GNL3: variants seen among roughly 807,000 people sequenced by gnomAD.
The protein encoded by GNL3 is G protein nucleolar 3.
In GNL3, 77 loss-of-function variants were observed where a neutral mutation model predicts 70.6. The observed-to-expected ratio is 1.09, with a 90% CI of 0.91 to 1.32. GNL3 has a LOEUF of 1.32. Among genes scored for constraint, GNL3 ranks in the 40% most tolerant of loss-of-function variants. The probability of loss-of-function intolerance (pLI) is 0.00; values close to 1 mark genes in which losing one functional copy is unlikely to be tolerated. For missense variants in GNL3, 634 were observed against 644.0 expected, an observed-to-expected ratio of 0.98 and a Z score of 0.17; for synonymous variants, 252 against 216.1, an observed-to-expected ratio of 1.17 and a Z score of -1.46.
chr3:52,686,247 G>C (rs539566051), intron 1 of GNL3, 142 bp downstream of exon 1: 14 of 838,002 alleles, frequency 1.7e-5, no homozygotes, highest in Non-Finnish European at 2.7e-5. Context: ...CCTATTTCCT[G>C]GTAGAACCGA....
At chr3:52,686,418 T>C in intron 1 of GNL3, 1 of 574,932 alleles carries the variant, frequency 1.7e-6, no homozygotes, top group Non-Finnish European at 3.1e-6. Context: ...ACGTGCAGAC[T>C]GGCCCAGGTG....
At chr3:52,689,398 A>G in intron 6 of GNL3, 192 bp downstream of exon 6, 1 of 701,320 alleles carries the variant, frequency 1.4e-6, no homozygotes, top group Non-Finnish European at 2.6e-6. Context: ...GGTTTCTACT[A>G]TTCTTTTGCC....
chr3:52,692,966 C>T lies in GNL3; in HGVS notation c.964C>T (p.Leu322=). The T allele has an allele frequency of 1.2e-6, 2 of 1,613,702 alleles. No individual in the cohort carries two copies. Among genetic ancestry groups the T allele is most frequent in the Non-Finnish European group, 1.7e-6 (2 of 1,179,564 alleles). ...SPLNSSSALA[L]RSPASIEVVK... ...ACTTAATTCCTCCTCTGCGCTTGCT[C>T]TGCGAAGTCCAGCAAGTATTGAAGT... The change falls in exon 10 of 15, where the codon CTG becomes TTG. Residue 322 remains leucine (L), a synonymous_variant. Transcript: ENST00000418458.
Position 52,693,524 on chromosome 3 carries a change from A to G in GNL3, c.1304A>G (p.Asn435Ser), listed in dbSNP as rs1164106297. 6.2e-7 allele frequency: 1 copy of G among 1,614,216 alleles called. No homozygotes were observed. Among genetic ancestry groups the G allele is most frequent in the Non-Finnish European group, 8.5e-7 (1 of 1,180,040 alleles). The change falls in exon 12 of 15, where the codon AAC becomes AGC. Residue 435 changes from asparagine to serine, a missense_variant. Asn to Ser is a conservative substitution (Grantham distance 46, BLOSUM62 1). Coordinates refer to ENST00000418458, the MANE Select transcript of GNL3 (RefSeq NM_014366.5). ...SGFNLEELEK[N>S]NAQSIRAIKG... The stretch of plus-strand genomic sequence containing the variant: ...TTCAATCTGGAAGAACTGGAAAAGA[A>G]CAATGCACAGAGCATAAGAGGTGAG...
intron 13 of GNL3, 112 bp from the exon 14 acceptor site, chr3:52,693,925 C>A: frequency 7.8e-7 from 1 of 1,284,664 alleles, no homozygotes; most frequent in Non-Finnish European, 1.1e-6. Flanking sequence ...CTTAATTTTG[C>A]ACATCCCGTT....
At chr3:52,690,844 TGTA>T (rs2097326544) in intron 7 of GNL3, 98 bp from the exon 8 acceptor site, 1 of 1,244,918 alleles carries the variant, frequency 8.0e-7, no homozygotes, top group East Asian at 2.3e-5. Context: ...TGAAAGGCAA[TGTA>T]GTTATCTTAA....
chr3:52,688,016 C>T (rs956553478), intron 4 of GNL3, 93 bp from the exon 5 acceptor site: 6 of 764,374 alleles, frequency 7.8e-6, no homozygotes, highest in African/African-American at 6.9e-5. Context: ...TATTTAACAA[C>T]TGCAAGGGCT....
rs903502136 is a variant in GNL3 at position 52,691,056 on chromosome 3, C to A, written c.766C>A (p.Arg256=). Reference sequence around the variant, plus strand: ...TCAGGAAACTTGCAGCAAAGCCATTCGGGTTGGAGTAATTGGTGAGTTTCA... The same window carrying A: ...TCAGGAAACTTGCAGCAAAGCCATTAGGGTTGGAGTAATTGGTGAGTTTCA... The part of the protein sequence containing the change: ...GFQETCSKAI[R]VGVIGFPNVG... Residue 256 remains arginine, a synonymous_variant, in exon 8 of 15, where the codon CGG becomes AGG. Coordinates refer to ENST00000418458, the MANE Select transcript of GNL3 (RefSeq NM_014366.5). The A allele has an allele frequency of 1.9e-6, 3 of 1,613,786 alleles. No homozygotes were observed. Among genetic ancestry groups the A allele is most frequent in the Non-Finnish European group, 2.5e-6 (3 of 1,179,732 alleles).
In GNL3 at chr3:52,689,165, A is replaced by G. The variant is rs772917887; in HGVS notation, c.500A>G (p.Gln167Arg). 11 of 1,613,478 alleles carry G rather than the reference A, an allele frequency of 6.8e-6. No homozygotes were observed. The South Asian group carries it at 1.1e-4, about 16-fold the overall frequency. ...CCTCAGGTAGAAGAGGCCATTGTCC[A>G]GAGTGGACAGAAAAAGCTGGTACTT... ...RCPQVEEAIV[Q>R]SGQKKLVLIL... is the part of the protein sequence containing the mutation. The change falls in exon 6 of 15, where the codon CAG becomes CGG. Residue 167 changes from glutamine to arginine, a missense_variant. Transcript: ENST00000418458.
Position 52,693,488 on chromosome 3 carries a change from T to G in GNL3, c.1268T>G (p.Met423Arg), listed in dbSNP as rs199790197. 1 of 1,614,140 alleles carries G rather than the reference T, an allele frequency of 6.2e-7. No individual in the cohort carries two copies. Among genetic ancestry groups the G allele is most frequent in the Non-Finnish European group, 8.5e-7 (1 of 1,180,000 alleles). The change falls in exon 12 of 15, where the codon ATG becomes AGG. Residue 423 changes from methionine to arginine, a missense_variant. Coordinates refer to ENST00000418458, the MANE Select transcript of GNL3 (RefSeq NM_014366.5). ...PYFNESIVVD[M>R]KSGFNLEELE... ...TTTAATGAGAGTATTGTGGTAGACA[T>G]GAAAAGCGGCTTCAATCTGGAAGAA...
chr3:52,693,541 A>G lies in GNL3; in HGVS notation c.1321A>G (p.Arg441Gly). 1 of 1,614,180 alleles carries G rather than the reference A, an allele frequency of 6.2e-7. No individual in the cohort carries two copies. Among genetic ancestry groups the G allele is most frequent in the Non-Finnish European group, 8.5e-7 (1 of 1,179,996 alleles). Residue 441 changes from arginine to glycine, a missense_variant, in exon 12 of 15, where the codon AGA (arginine) becomes GGA (glycine). Arg to Gly is a moderately radical substitution (Grantham distance 125, BLOSUM62 -2). Coordinates refer to ENST00000418458, the MANE Select transcript of GNL3 (RefSeq NM_014366.5). ...GGAAAAGAACAATGCACAGAGCATA[A>G]GAGGTGAGAATTGTGTGTCGCTGCT... ...ELEKNNAQSI[R>G]AIKGPHLANS...
intron 6 of GNL3, among the ~76,000 whole-genome samples, chr3:52,689,677 ATTG>A (rs924899562): frequency 1.6e-4 from 24 of 152,314 alleles, no homozygotes; most frequent in African/African-American, 5.1e-4. Context: ...GAGATCTAAA[ATTG>A]TTGTTGGGGT....
chr3:52,689,097 C>G lies in GNL3; in HGVS notation c.432C>G (p.Val144=). The change falls in exon 6 of 15, where the codon GTC becomes GTG. Residue 144 remains valine, a synonymous_variant. Transcript: ENST00000418458. ...LKKVIEASDV[V]LEVLDARDPL... ...AGGTGATTGAAGCCTCCGATGTTGT[C>G]CTAGAGGTGTTGGATGCCAGAGATC... The G allele has an allele frequency of 1.9e-6, 3 of 1,613,246 alleles. No homozygotes were observed. The highest frequency in any genetic ancestry group is 2.5e-6 in the Non-Finnish European group (3 of 1,179,196).
chr3:52,686,881 C>G, intron 2 of GNL3, 54 bp downstream of exon 2: 1 of 1,347,828 alleles, frequency 7.4e-7, no homozygotes, highest in East Asian at 2.3e-5. Flanking sequence ...ACTGATTTTG[C>G]CCTGTTCCTT....
At position 52,693,586 on chromosome 3, in the gene GNL3, C is replaced by T; in HGVS notation, c.1324+42C>T. On this transcript the variant is annotated intron_variant, in intron 12 of 14. Transcript: ENST00000418458. ...GCTGCTGTCTTCATCAGCTGACAGG[C>T]CAGTGGAGCTCTTACCTGTTTACAT... is the stretch of plus-strand genomic sequence containing the variant. 2.5e-6 allele frequency: 4 copies of T among 1,613,606 alleles called. No individual in the cohort carries two copies. The South Asian group carries it at 4.4e-5, about 18-fold the overall frequency.
At chr3:52,686,950 C>G in intron 2 of GNL3, 123 bp downstream of exon 2, 1 of 705,836 alleles carries the variant, frequency 1.4e-6, no homozygotes, top group Non-Finnish European at 2.5e-6. Flanking sequence ...GATAGACTGA[C>G]CATGGGCACA....
chr3:52,688,867 G>A (rs1420279309), intron 5 of GNL3: 1 of 585,266 alleles, frequency 1.7e-6, no homozygotes, highest in Non-Finnish European at 3.0e-6. Context: ...TGCTGAGCAA[G>A]CCTATGTTTT....
At chr3:52,692,551 A>G (rs924525712) in intron 9 of GNL3, among the ~76,000 whole-genome samples, 4 of 151,910 alleles carry the variant, frequency 2.6e-5, no homozygotes, top group Non-Finnish European at 5.9e-5. Context: ...TCCTGACCTC[A>G]GGTGATCCAC....
chr3:52,689,039 T>C (rs1349049431), intron 5 of GNL3, 35 bp from the exon 6 acceptor site: 1 of 1,588,540 alleles, frequency 6.3e-7, no homozygotes, highest in Admixed American at 1.7e-5. Context: ...ATTTTCTCCT[T>C]GATAATGTAG....
Sources: gnomAD v4.1 joint callset for allele counts (sites outside exome capture counted in the v4.1 genomes callset) on GRCh38, gnomAD v4.1.1 for gene constraint, MANE v1.5 for transcripts, NCBI Gene and HGNC (gene_info 2026-07-23, HGNC 2026-07-21) for gene names.